Variants in FLAD1 observed in about 807,000 individuals in gnomAD.
FLAD1 encodes the protein flavin adenine dinucleotide synthetase 1.
A neutral mutation model predicts 55.0 loss-of-function variants in FLAD1; 35 were observed. That is an observed-to-expected ratio of 0.64 (90% CI 0.49 to 0.84). The LOEUF is 0.84. FLAD1 is among the 40% of genes least tolerant of loss of function. The pLI is 0.00. For synonymous variants in FLAD1, 267 were observed against 303.0 expected, an observed-to-expected ratio of 0.88 and a Z score of 1.23; for missense variants, 665 against 742.6, an observed-to-expected ratio of 0.90 and a Z score of 1.21.
At position 154,992,782 on chromosome 1, in the gene FLAD1, CGAGGGTAAGGGTAT is replaced by C. The variant is rs1288091401; in HGVS notation, c.1625_1628+10del. On this transcript the variant is annotated splice_donor_variant and splice_donor_5th_base_variant and coding_sequence_variant and intron_variant, in exon 6 of 7. Transcript: ENST00000292180. LOFTEE classifies it high-confidence loss of function. Reference sequence around the variant, plus strand: ...TGTCCCATACTGTATCCTGTATGACCGAGGGTAAGGGTATTAGGGGAAGGGAATGGGTAAGGGAG... The same window carrying C: ...TGTCCCATACTGTATCCTGTATGACCTAGGGGAAGGGAATGGGTAAGGGAG... The C allele has an allele frequency of 6.2e-7, 1 of 1,614,032 alleles. No individual in the cohort carries two copies. Among genetic ancestry groups the C allele is most frequent in the East Asian group, 2.2e-5 (1 of 44,874 alleles).
rs778589730 is a variant in FLAD1 at position 154,992,944 on chromosome 1, G to A, written c.1671G>A (p.Pro557=). The change falls in exon 7 of 7, where the codon CCG becomes CCA. Residue 557 remains proline (P), a synonymous_variant. Coordinates refer to ENST00000292180, the MANE Select transcript of FLAD1 (RefSeq NM_025207.5). ...LGSRENTVRN[P]ALKCLSPGGH... ...GTCGGGAGAATACCGTGCGGAACCC[G>A]GCCCTGAAGTGCCTGAGCCCAGGAG... The A allele has an allele frequency of 1.4e-5, 22 of 1,613,910 alleles. No homozygotes were observed. Among genetic ancestry groups the A allele is most frequent in the Middle Eastern group, 3.3e-4 (2 of 6,062 alleles).
At chr1:154,987,104 T>C (rs1558074033) in intron 1 of FLAD1, among the ~76,000 whole-genome samples, 1 of 150,844 alleles carries the variant, frequency 6.6e-6, no homozygotes, top group Admixed American at 6.6e-5. Flanking sequence ...CTCGGCTCAC[T>C]GCAGTCTCTG....
chr1:154,985,713 C>T (rs867442784), intron 1 of FLAD1, among the ~76,000 whole-genome samples: 1 of 144,996 alleles, frequency 6.9e-6, no homozygotes, highest in African/African-American at 2.6e-5. Context: ...GGCCCTGACC[C>T]CAATTTTTTT....
rs768792303 is a variant in FLAD1 at position 154,990,219 on chromosome 1, C to G, written c.1326C>G (p.Phe442Leu). 6.2e-7 allele frequency: 1 copy of G among 1,614,178 alleles called. No homozygotes were observed. The highest frequency in any genetic ancestry group is 8.5e-7 in the Non-Finnish European group (1 of 1,180,016). ...TGTATATCCGCAGCATCTCCCCTTT[C>G]CCTGAGCTGGAACAGTTTCTACAGG... ...QILYIRSISPFPELEQFLQDT... is the reference protein window; with the variant it reads ...QILYIRSISPLPELEQFLQDT... The change falls in exon 4 of 7, where the codon TTC (phenylalanine) becomes TTG (leucine). Residue 442 changes from phenylalanine (F) to leucine (L), a missense_variant. Physicochemically the swap from Phe to Leu is conservative, Grantham distance 22 (BLOSUM62 0). Transcript: ENST00000292180.
chr1:154,988,069 A>G (rs764231231), intron 1 of FLAD1, 36 bp from the exon 2 acceptor site: 4 of 1,614,066 alleles, frequency 2.5e-6, no homozygotes, highest in Non-Finnish European at 1.7e-6. Flanking sequence ...TCATCCCTAC[A>G]GTACTGATGG....
chr1:154,989,249 A>C (rs1340564447), intron 2 of FLAD1, among the ~76,000 whole-genome samples: 1 of 152,148 alleles, frequency 6.6e-6, no homozygotes. Flanking sequence ...GTAGGTGGGC[A>C]AGAGCCAACA....
chr1:154,992,182 C>T (rs1047680461), intron 5 of FLAD1, among the ~76,000 whole-genome samples: 14 of 147,008 alleles, frequency 9.5e-5, no homozygotes, highest in South Asian at 4.3e-4. Flanking sequence ...TGGTGGCACA[C>T]GCCTGTAATC....
intron 2 of FLAD1, 143 bp downstream of exon 2, chr1:154,988,992 TAA>T: frequency 6.7e-7 from 1 of 1,482,830 alleles, no homozygotes; most frequent in African/African-American, 1.4e-5. Context: ...ATTCTTCCAA[TAA>T]ATGTTGATTG....
chr1:154,992,637 G>A (rs7535144), intron 5 of FLAD1, 76 bp from the exon 6 acceptor site: 1 of 1,613,900 alleles, frequency 6.2e-7, no homozygotes, highest in Non-Finnish European at 8.5e-7. Context: ...CCATGGATGG[G>A]CCCCTTCCCA....
At chr1:154,989,012 A>G (rs1229590666) in intron 2 of FLAD1, 163 bp downstream of exon 2, 6 of 1,458,072 alleles carry the variant, frequency 4.1e-6, no homozygotes, top group South Asian at 2.8e-5. Context: ...TTGAGTACCT[A>G]TTTTCATCAG....
In FLAD1 at chr1:154,992,782, C is replaced by T. The variant is rs1657937610; in HGVS notation, c.1624C>T (p.Arg542Ter). The change falls in exon 6 of 7, where the codon CGA becomes TGA. Residue 542 changes from arginine (R) to a stop codon, truncating the protein, a stop_gained. Coordinates refer to ENST00000292180, the MANE Select transcript of FLAD1 (RefSeq NM_025207.5). LOFTEE classifies it high-confidence loss of function. ...LFVPYCILYDRGYTSLGSREN... is the reference protein window; with the variant it reads ...LFVPYCILYD Reference sequence around the variant, plus strand: ...TGTCCCATACTGTATCCTGTATGACCGAGGGTAAGGGTATTAGGGGAAGGG... The same window carrying T: ...TGTCCCATACTGTATCCTGTATGACTGAGGGTAAGGGTATTAGGGGAAGGG... 1.2e-6 allele frequency: 2 copies of T among 1,614,032 alleles called. No individual in the cohort carries two copies. Among genetic ancestry groups the T allele is most frequent in the Non-Finnish European group, 1.7e-6 (2 of 1,180,006 alleles).
At position 154,984,103 on chromosome 1, in the gene FLAD1, T is replaced by C. The variant is rs1657455104; in HGVS notation, c.372+37T>C. ...ACAGAAAAGGGGGGAGGGCGCTGCGTTCTCCTGTCCTTAAGGGCCTGCTGC... is the reference window on the plus strand; with the variant it reads ...ACAGAAAAGGGGGGAGGGCGCTGCGCTCTCCTGTCCTTAAGGGCCTGCTGC... On this transcript the variant is annotated intron_variant, in intron 1 of 6. Transcript: ENST00000292180. The C allele has an allele frequency of 1.4e-5, 21 of 1,467,322 alleles. No homozygotes were observed. The East Asian group carries it at 4.9e-4, about 34-fold the overall frequency. The allele number at this position is 1,467,322 out of a possible 1,614,324, so 90.9% of individuals were successfully genotyped here.
In FLAD1 at chr1:154,984,386, C is replaced by G. The variant is rs539156677; in HGVS notation, c.372+320C>G. Among the ~76,000 whole-genome samples the G allele has an allele frequency of 1.1e-4, 17 of 152,122 alleles. No homozygotes were observed. In the South Asian group the frequency reaches 3.5e-3, roughly 32 times the overall value. On this transcript the variant is annotated intron_variant, in intron 1 of 6. Coordinates refer to ENST00000292180, the MANE Select transcript of FLAD1 (RefSeq NM_025207.5). The stretch of plus-strand genomic sequence containing the variant: ...TACACAACAATGACAGGAAGCCCCT[C>G]GAGTAGAGGAGGTACAGGTGTGTGT...
intron 5 of FLAD1, chr1:154,990,805 TTTAA>T (rs1325689730): frequency 6.8e-6 from 2 of 292,554 alleles, no homozygotes; most frequent in African/African-American, 4.3e-5. Flanking sequence ...ATACTTAAAT[TTTAA>T]TTAATTAGAA....
At chr1:154,985,139 G>A (rs1394338209) in intron 1 of FLAD1, among the ~76,000 whole-genome samples, 1 of 146,042 alleles carries the variant, frequency 6.8e-6, no homozygotes, top group Non-Finnish European at 1.5e-5. Flanking sequence ...CACCTTGCTG[G>A]GATTATAGGC....
intron 1 of FLAD1, among the ~76,000 whole-genome samples, chr1:154,984,442 G>A (rs954321996): frequency 4.6e-5 from 7 of 152,056 alleles, no homozygotes; most frequent in African/African-American, 1.4e-4. Context: ...GGCCGGGTGC[G>A]GTGGCTCACG....
intron 3 of FLAD1, 131 bp downstream of exon 3, chr1:154,989,838 C>T (rs1327694730): frequency 5.9e-6 from 6 of 1,023,318 alleles, no homozygotes; most frequent in Non-Finnish European, 8.4e-6. Flanking sequence ...CAGTTCCATT[C>T]TCCCACCATA....
intron 5 of FLAD1, chr1:154,990,747 T>C (rs1657823272): frequency 4.3e-6 from 2 of 470,292 alleles, no homozygotes; most frequent in Admixed American, 3.8e-5. Context: ...GTGGATAGAA[T>C]AGTGACTTAG....
At position 154,984,166 on chromosome 1, in the gene FLAD1, C is replaced by T. The variant is rs1018457724; in HGVS notation, c.372+100C>T. ...GGAAGGAGGTGAAACAGGGTGGGAG[C>T]CTCTTTGCTGCAGTAGGATCCTGGA... On this transcript the variant is annotated intron_variant, in intron 1 of 6. Coordinates refer to ENST00000292180, the MANE Select transcript of FLAD1 (RefSeq NM_025207.5). The T allele has an allele frequency of 7.2e-6, 8 of 1,115,812 alleles. No homozygotes were observed. In the Admixed American group the frequency reaches 2.1e-4, roughly 29 times the overall value. The allele number at this position is 1,115,812 out of a possible 1,614,324, so 69.1% of individuals were successfully genotyped here.
Sources: allele counts gnomAD v4.1 joint callset (sites outside exome capture counted in the v4.1 genomes callset), GRCh38; gene constraint gnomAD v4.1.1; transcripts MANE v1.5; gene names NCBI Gene and HGNC (gene_info 2026-07-23, HGNC 2026-07-21).